The following DHRS7C variants were observed in gnomAD, a reference collection of about 807,000 sequenced individuals.
DHRS7C encodes the protein dehydrogenase/reductase SDR family member 7C.
DHRS7C carries 28 observed loss-of-function variants against 29.6 expected under a neutral mutation model. That is an observed-to-expected ratio of 0.95 (90% confidence interval 0.70 to 1.30). DHRS7C has a LOEUF of 1.30. DHRS7C is among the 50% of genes most tolerant of loss of function. DHRS7C has a pLI of 0.00. For synonymous variants in DHRS7C, 158 were observed against 160.2 expected (o/e 0.99, Z 0.10); for missense variants, 403 against 393.3 (o/e 1.02, Z -0.21).
chr17:9,786,381 C>G (rs2066424177), intron 1 of DHRS7C, among the ~76,000 whole-genome samples: 1 of 146,248 alleles, frequency 6.8e-6, no homozygotes, highest in Admixed American at 6.8e-5. Context: ...TCAGAAAAGT[C>G]AGGAACCGCC....
In DHRS7C at chr17:9,775,066, G is replaced by T. The variant is rs1163629331; in HGVS notation, c.571+2127C>A. Among the ~76,000 whole-genome samples the T allele has an allele frequency of 6.6e-6, 1 of 152,184 alleles. No homozygotes were observed. The highest frequency in any genetic ancestry group is 2.4e-5 in the African/African-American group (1 of 41,430). On this transcript the variant is annotated intron_variant, in intron 4 of 5. Transcript: ENST00000571134. The surrounding 1 kb of genome is among the most constrained non-coding windows in gnomAD (Gnocchi z 4.2). ...TGTCCTATACGGGTCAGTGGCCAAA[G>T]CGCCCATTGTCATGCCCATGTCTCA...
intron 2 of DHRS7C, 80 bp downstream of exon 2, chr17:9,781,402 G>A (rs2152017049): frequency 1.5e-6 from 2 of 1,355,632 alleles, no homozygotes; most frequent in Middle Eastern, 1.9e-4. Flanking sequence ...CCTCCACTTG[G>A]TCCAAGAGCT....
chr17:9,771,604 T>C lies in DHRS7C; in HGVS notation c.820A>G (p.Met274Val), dbSNP rs756361974. Residue 274 changes from methionine to valine, a missense_variant, in exon 6 of 6, where the codon ATG (methionine) becomes GTG (valine). By Grantham distance (21) the Met-to-Val change is conservative (BLOSUM62 1). Transcript: ENST00000571134. The part of the protein sequence containing the change: ...TVRRKKQEVF[M>V]ANPIPKAAVY... ...GCGGCCTTGGGGATGGGGTTGGCCA[T>C]AAACACCTCTTGCTTCTTCCTCCGC... 1.2e-6 allele frequency: 2 copies of C among 1,600,662 alleles called. No individual in the cohort carries two copies. The highest frequency in any genetic ancestry group is 1.7e-5 in the Admixed American group (1 of 58,518).
intron 1 of DHRS7C, among the ~76,000 whole-genome samples, chr17:9,787,524 G>A (rs188017388): frequency 1.8e-3 from 270 of 152,248 alleles, no homozygotes; most frequent in Middle Eastern, 3.4e-3. Context: ...GGTATACCCA[G>A]GTGTCCTTAT....
intron 1 of DHRS7C, chr17:9,782,871 T>G (rs1381530281): frequency 1.3e-5 from 2 of 151,936 alleles, no homozygotes; most frequent in African/African-American, 4.8e-5. Flanking sequence ...ATATCCCGAG[T>G]GTTGTGGCCT....
In DHRS7C at chr17:9,791,114, G is replaced by A; in HGVS notation, c.154+17C>T. The A allele has an allele frequency of 1.9e-6, 3 of 1,604,500 alleles. No individual in the cohort carries two copies. The highest frequency in any genetic ancestry group is 2.6e-6 in the Non-Finnish European group (3 of 1,174,722). ...TGGGGGCAGAAATGGGCACAGGTGG[G>A]AGCAAAGCCAGCTTACCCTTGCCCA... On this transcript the variant is annotated intron_variant, in intron 1 of 5. Transcript: ENST00000571134.
At position 9,781,428 on chromosome 17, in the gene DHRS7C, A is replaced by G. The variant is rs978235918; in HGVS notation, c.267+54T>C. The G allele has an allele frequency of 2.0e-5, 31 of 1,547,250 alleles. No individual in the cohort carries two copies. The African/African-American group carries it at 2.6e-4, about 13-fold the overall frequency. ...TCCAAGAGCTGGTCCTGAACAATCA[A>G]TGGAGGCTGGGAGTTCCCAGGAGTT... On this transcript the variant is annotated intron_variant, in intron 2 of 5. Transcript: ENST00000571134.
intron 2 of DHRS7C, among the ~76,000 whole-genome samples, chr17:9,781,146 C>A (rs910556777): frequency 6.6e-6 from 1 of 151,986 alleles, no homozygotes; most frequent in East Asian, 1.9e-4. Flanking sequence ...ATGGAGATAT[C>A]AGTTCAGGTA....
chr17:9,783,374 G>A (rs1427406834), intron 1 of DHRS7C, among the ~76,000 whole-genome samples: 1 of 152,178 alleles, frequency 6.6e-6, no homozygotes, highest in Non-Finnish European at 1.5e-5. Context: ...ATGTCAATTT[G>A]TCTCCAAGTT....
chr17:9,780,479 A>G (rs1597926828), intron 2 of DHRS7C, among the ~76,000 whole-genome samples: 1 of 152,366 alleles, frequency 6.6e-6, no homozygotes, highest in East Asian at 1.9e-4. Context: ...TTAAAAAACT[A>G]AAATCATACA....
At chr17:9,777,168 T>C (rs1197173758) in intron 4 of DHRS7C, 25 bp downstream of exon 4, 5 of 1,580,168 alleles carry the variant, frequency 3.2e-6, no homozygotes, top group South Asian at 1.1e-5. Flanking sequence ...ACAGAAGATA[T>C]CATATTTTTA....
At chr17:9,781,692 G>C (rs1177453897) in intron 1 of DHRS7C, 98 bp from the exon 2 acceptor site, 3 of 1,219,354 alleles carry the variant, frequency 2.5e-6, no homozygotes, top group Non-Finnish European at 2.3e-6. Flanking sequence ...AAAAAACTCA[G>C]AAGTCTTAGC....
Position 9,775,242 on chromosome 17 carries a change from G to A in DHRS7C, c.571+1951C>T, listed in dbSNP as rs1173648909. 6.6e-6 allele frequency among the ~76,000 whole-genome samples: 1 copy of A among 152,238 alleles called. No homozygotes were observed. Among genetic ancestry groups the A allele is most frequent in the African/African-American group, 2.4e-5 (1 of 41,454 alleles). On this transcript the variant is annotated intron_variant, in intron 4 of 5. Coordinates refer to ENST00000571134, the MANE Select transcript of DHRS7C (RefSeq NM_001105571.3). The surrounding 1 kb of genome is among the most constrained non-coding windows in gnomAD (Gnocchi z 4.2). ...AGTTTAAAAATACAAGGAGCAGTGG[G>A]GAGATTCCTAAGTGGACTGGGGAAG...
Position 9,771,626 on chromosome 17 carries a change from C to T in DHRS7C, c.798G>A (p.Arg266=), listed in dbSNP as rs1597921399. 1.9e-6 allele frequency: 3 copies of T among 1,600,124 alleles called. No individual in the cohort carries two copies. The highest frequency in any genetic ancestry group is 2.6e-6 in the Non-Finnish European group (3 of 1,172,434). The change falls in exon 6 of 6, where the codon CGG becomes CGA. Residue 266 remains arginine, a synonymous_variant. Coordinates refer to ENST00000571134, the MANE Select transcript of DHRS7C (RefSeq NM_001105571.3). ...EVAEEVMRTV[R]RKKQEVFMAN... is the part of the protein sequence containing the mutation. ...CCATAAACACCTCTTGCTTCTTCCT[C>T]CGCACGGTGCGCATCACCTCCTCCG... is the stretch of plus-strand genomic sequence containing the variant.
At chr17:9,789,898 G>A (rs534350344) in intron 1 of DHRS7C, among the ~76,000 whole-genome samples, 10 of 152,044 alleles carry the variant, frequency 6.6e-5, no homozygotes, top group Non-Finnish European at 1.3e-4. Context: ...TGTGTACCTC[G>A]CTCCCTTTTG....
intron 5 of DHRS7C, among the ~76,000 whole-genome samples, 160 bp from the exon 6 acceptor site, chr17:9,771,856 C>G (rs1379411327): frequency 6.6e-6 from 1 of 152,206 alleles, no homozygotes; most frequent in East Asian, 1.9e-4. Flanking sequence ...CGGCGACCAG[C>G]GGGAGACACT....
chr17:9,782,385 T>A (rs1479157785), intron 1 of DHRS7C, among the ~76,000 whole-genome samples: 2 of 152,172 alleles, frequency 1.3e-5, no homozygotes, highest in African/African-American at 4.8e-5. Context: ...AGAGACAGCC[T>A]ATCGGGGAGT....
chr17:9,780,972 A>T (rs1277758799), intron 2 of DHRS7C, among the ~76,000 whole-genome samples: 1 of 152,212 alleles, frequency 6.6e-6, no homozygotes, highest in Non-Finnish European at 1.5e-5. Flanking sequence ...AGCAAATGCA[A>T]CCTCAAAGAT....
At position 9,781,477 on chromosome 17, in the gene DHRS7C, C is replaced by T; in HGVS notation, c.267+5G>A. ...TTACCCACGCCTACTGCTAGAAGAC[C>T]TTACCTTGCTGGGGTCAGCCACGCT... On this transcript the variant is annotated splice_donor_5th_base_variant and intron_variant, in intron 2 of 5. Transcript: ENST00000571134. 1.2e-6 allele frequency: 2 copies of T among 1,613,844 alleles called. No homozygotes were observed. The highest frequency in any genetic ancestry group is 1.7e-6 in the Non-Finnish European group (2 of 1,179,788).
Sources: gnomAD v4.1 joint callset for allele counts (sites outside exome capture counted in the v4.1 genomes callset) on GRCh38, gnomAD v4.1.1 for gene constraint, Gnocchi (gnomAD v3.1) non-coding constraint, MANE v1.5 for transcripts, NCBI Gene and HGNC (gene_info 2026-07-23, HGNC 2026-07-21) for gene names.